GPR26: variants seen among roughly 807,000 people sequenced by gnomAD.
The protein encoded by GPR26 is G protein-coupled receptor 26.
GPR26 carries 15 observed loss-of-function variants against 23.1 expected under a neutral mutation model. The observed-to-expected ratio is 0.65, with a 90% confidence interval of 0.43 to 1.00. GPR26 has a LOEUF of 1.00. Among genes scored for constraint, GPR26 ranks in the 50% least tolerant of loss-of-function variants. The pLI, the probability that GPR26 is intolerant of heterozygous loss-of-function variation, is 0.00. For missense variants in GPR26, 359 were observed against 470.5 expected (o/e 0.76, Z 2.19); for synonymous variants, 228 against 222.1 (o/e 1.03, Z -0.24).
At chr10:123,672,206 C>G (rs1016269580) in intron 1 of GPR26, among the ~76,000 whole-genome samples, 10 of 152,290 alleles carry the variant, frequency 6.6e-5, no homozygotes, top group African/African-American at 2.4e-4. Flanking sequence ...TGACTGGATG[C>G]TAGCCCCACC....
intron 2 of GPR26, among the ~76,000 whole-genome samples, chr10:123,679,804 G>A (rs903140954): frequency 7.9e-5 from 12 of 151,864 alleles, no homozygotes; most frequent in Non-Finnish European, 1.6e-4. Context: ...ATGGCATGCA[G>A]AGAGTGCTCC....
intron 2 of GPR26, among the ~76,000 whole-genome samples, chr10:123,684,111 G>GA (rs36066209): frequency 0.042 from 6,441 of 152,214 alleles, 253 homozygotes; most frequent in African/African-American, 0.09. Flanking sequence ...GCAGGCATGT[G>GA]AGCCTTTTGA....
intron 2 of GPR26, among the ~76,000 whole-genome samples, chr10:123,678,254 G>A (rs1217549232): frequency 1.3e-5 from 2 of 152,176 alleles, no homozygotes; most frequent in Non-Finnish European, 2.9e-5. Flanking sequence ...CTGGCCTGTG[G>A]TCAGGGAAGT....
intron 1 of GPR26, among the ~76,000 whole-genome samples, chr10:123,673,526 G>A (rs147734813): frequency 0.011 from 1,667 of 152,318 alleles, 17 homozygotes; most frequent in Non-Finnish European, 0.018. Flanking sequence ...AGGTCCCACA[G>A]CAGAGTGGAG....
chr10:123,681,974 A>T (rs1275520029), intron 2 of GPR26, among the ~76,000 whole-genome samples: 1 of 152,192 alleles, frequency 6.6e-6, no homozygotes, highest in African/African-American at 2.4e-5. Flanking sequence ...ATGGGTAGGG[A>T]GTGACTGAGC....
At chr10:123,667,290 G>T (rs1217008616) in intron 1 of GPR26, among the ~76,000 whole-genome samples, 2 of 152,152 alleles carry the variant, frequency 1.3e-5, no homozygotes, top group Non-Finnish European at 2.9e-5. Flanking sequence ...TCTATACATC[G>T]GTTTTTGAAG....
Position 123,696,922 on chromosome 10 carries a change from T to C in GPR26, c.*8762T>C, listed in dbSNP as rs1409868594. On this transcript the variant is annotated 3_prime_UTR_variant, in exon 3 of 3. Transcript: ENST00000284674. Reference sequence around the variant, plus strand: ...GAATGTTTGTGTGCCCATGAGTATATGCATATGGGTATATGTTTGTGTGCC... The same window carrying C: ...GAATGTTTGTGTGCCCATGAGTATACGCATATGGGTATATGTTTGTGTGCC... 6.6e-6 allele frequency among the ~76,000 whole-genome samples: 1 copy of C among 152,090 alleles called. No individual in the cohort carries two copies. The highest frequency in any genetic ancestry group is 1.5e-5 in the Non-Finnish European group (1 of 68,038).
chr10:123,668,962 T>C (rs1845220456), intron 1 of GPR26, among the ~76,000 whole-genome samples: 1 of 152,252 alleles, frequency 6.6e-6, no homozygotes. Context: ...CAAATCCCTC[T>C]GGCCGATGTC....
In GPR26 at chr10:123,696,303, G is replaced by A. The variant is rs1174561007; in HGVS notation, c.*8143G>A. 6.6e-6 allele frequency among the ~76,000 whole-genome samples: 1 copy of A among 152,206 alleles called. No individual in the cohort carries two copies. The highest frequency in any genetic ancestry group is 6.5e-5 in the Admixed American group (1 of 15,284). On this transcript the variant is annotated 3_prime_UTR_variant, in exon 3 of 3. Coordinates refer to ENST00000284674, the MANE Select transcript of GPR26 (RefSeq NM_153442.4). ...CTTCCCTTTAGTGAGAGGACAGCTG[G>A]CTAAATGCTATCCTCAGTCCTCCTG...
chr10:123,693,872 G>A lies in GPR26; in HGVS notation c.*5712G>A, dbSNP rs1845515492. On this transcript the variant is annotated 3_prime_UTR_variant, in exon 3 of 3. Transcript: ENST00000284674. ...TGCATCAGGAGAAAGAAGCGGCTAG[G>A]ACACACAGTGGCTTCGCTCAGCCTG... is the stretch of plus-strand genomic sequence containing the variant. The A allele has an allele frequency of 6.6e-6, 1 of 152,286 alleles. No individual in the cohort carries two copies. The highest frequency in any genetic ancestry group is 2.4e-5 in the African/African-American group (1 of 41,468). 9.4% of individuals were successfully genotyped at this position (152,286 alleles called of 1,614,324 possible). A position where few individuals can be genotyped will look rare whatever the true frequency, so the allele number is the denominator to read the frequency against.
At chr10:123,683,364 G>T (rs969976375) in intron 2 of GPR26, among the ~76,000 whole-genome samples, 1 of 152,250 alleles carries the variant, frequency 6.6e-6, no homozygotes, top group Admixed American at 6.5e-5. Context: ...GTCCTGAGAT[G>T]GTCTCTGTGA....
intron 1 of GPR26, among the ~76,000 whole-genome samples, chr10:123,673,798 A>C (rs1026085361): frequency 3.3e-5 from 5 of 152,218 alleles, no homozygotes; most frequent in African/African-American, 1.2e-4. Context: ...AGGCTGCCTC[A>C]GATGTAAAAG....
chr10:123,675,860 G>C (rs1214607906), intron 2 of GPR26, among the ~76,000 whole-genome samples: 2 of 151,378 alleles, frequency 1.3e-5, no homozygotes, highest in Non-Finnish European at 3.0e-5. Context: ...GTGTGTAAGA[G>C]AGAGAGAGAG....
chr10:123,684,965 G>C (rs1206913157), intron 2 of GPR26, among the ~76,000 whole-genome samples: 1 of 152,222 alleles, frequency 6.6e-6, no homozygotes, highest in Non-Finnish European at 1.5e-5. Flanking sequence ...CTTTCTGCCA[G>C]AACTGAGCAG....
chr10:123,695,863 T>TTTG lies in GPR26; in HGVS notation c.*7704_*7706dup, dbSNP rs1442186022. On this transcript the variant is annotated 3_prime_UTR_variant, in exon 3 of 3. Transcript: ENST00000284674. ...CAACAAACATGTAAATACAACCTCT[T>TTTG]TTGGAGTGCAGAAACATTTGCGGAG... 1.3e-5 allele frequency among the ~76,000 whole-genome samples: 2 copies of TTTG among 152,270 alleles called. No individual in the cohort carries two copies. Among genetic ancestry groups the TTTG allele is most frequent in the East Asian group, 3.9e-4 (2 of 5,174 alleles).
intron 2 of GPR26, among the ~76,000 whole-genome samples, chr10:123,677,716 C>G (rs571293674): frequency 1.3e-5 from 2 of 152,314 alleles, no homozygotes; most frequent in South Asian, 4.1e-4. Context: ...GGAATGAGCT[C>G]TCACAGCTGG....
chr10:123,672,159 T>C (rs1006882099), intron 1 of GPR26, among the ~76,000 whole-genome samples: 3 of 152,196 alleles, frequency 2.0e-5, no homozygotes, highest in African/African-American at 7.2e-5. Flanking sequence ...AAATGAGTGA[T>C]GTGGCTCCTG....
chr10:123,687,482 C>A (rs1845441210), intron 2 of GPR26, among the ~76,000 whole-genome samples: 1 of 152,178 alleles, frequency 6.6e-6, no homozygotes, highest in African/African-American at 2.4e-5. Flanking sequence ...GACAAGTCAG[C>A]AGCAGAGTTG....
intron 1 of GPR26, among the ~76,000 whole-genome samples, chr10:123,673,921 C>CTAT (rs1554863679): frequency 6.7e-6 from 1 of 150,046 alleles, no homozygotes; most frequent in Non-Finnish European, 1.5e-5. Context: ...CTTCCTCTTC[C>CTAT]TCTTCTTCTT....
Sources: allele counts gnomAD v4.1 joint callset (sites outside exome capture counted in the v4.1 genomes callset), GRCh38; gene constraint gnomAD v4.1.1; transcripts MANE v1.5; gene names NCBI Gene and HGNC (gene_info 2026-07-23, HGNC 2026-07-21).